The following SUMO3 variants were observed in gnomAD, a reference collection of about 807,000 sequenced individuals.
SUMO3 encodes the protein small ubiquitin-related modifier 3.
A neutral mutation model predicts 11.1 loss-of-function variants in SUMO3; 2 were observed. The observed-to-expected ratio is 0.18, with a 90% confidence interval of 0.07 to 0.57. The LOEUF (loss-of-function observed/expected upper bound fraction) is 0.57, where lower values mean the gene tolerates loss of function less well. Among genes scored for constraint, SUMO3 ranks in the 20% least tolerant of loss-of-function variants. The probability of loss-of-function intolerance (pLI) is 0.92; values close to 1 mark genes in which losing one functional copy is unlikely to be tolerated. For synonymous variants in SUMO3, 56 were observed against 53.5 expected (o/e 1.05, Z -0.20); for missense variants, 70 against 132.8 (o/e 0.53, Z 2.32).
At chr21:44,808,582 G>A in intron 3 of SUMO3, 1 of 1,380,728 alleles carries the variant, frequency 7.2e-7, no homozygotes, top group South Asian at 1.8e-5. Flanking sequence ...CAACGTGATA[G>A]ATGAAATCTC....
chr21:44,813,560 G>C, intron 2 of SUMO3: 1 of 475,674 alleles, frequency 2.1e-6, no homozygotes, highest in Non-Finnish European at 3.8e-6. Flanking sequence ...GTCTCTCCAG[G>C]GTCAGGCCAG....
In SUMO3 at chr21:44,807,152, A is replaced by G. The variant is rs190004210; in HGVS notation, c.223-112T>C. ...AGTGTTCCCTGACACTAGCGACATC[A>G]CCTGGTCACACCTTGGCTCTTGTCC... On this transcript the variant is annotated intron_variant, in intron 3 of 3. Transcript: ENST00000332859. The surrounding 1 kb of genome is among the most constrained non-coding windows in gnomAD (Gnocchi z 4.3). The G allele has an allele frequency of 7.2e-4, 932 of 1,298,108 alleles. 6 individuals carry two copies. The African/African-American group carries it at 0.012, about 17-fold the overall frequency. The allele number at this position is 1,298,108 out of a possible 1,614,324, so 80.4% of individuals were successfully genotyped here.
rs918659914 is a variant in SUMO3, at chr21:44,818,016, G to A, written c.-48C>T. 2.6e-5 allele frequency: 30 copies of A among 1,172,122 alleles called. No homozygotes were observed. The highest frequency in any genetic ancestry group is 4.2e-5 in the South Asian group (1 of 23,688). The allele number at this position is 1,172,122 out of a possible 1,614,324, so 72.6% of individuals were successfully genotyped here. A position where few individuals can be genotyped will look rare whatever the true frequency, so the allele number is the denominator to read the frequency against. On this transcript the variant is annotated 5_prime_UTR_variant, in exon 1 of 4. Coordinates refer to ENST00000332859, the MANE Select transcript of SUMO3 (RefSeq NM_006936.3). ...GGCGGCGCGGGGGAAGCAGCGCGGA[G>A]CGGGCGAGTCACGCTCTCGGCCCCG...
In SUMO3 at chr21:44,806,698, C is replaced by T; in HGVS notation, c.*253G>A. 1 of 935,946 alleles carries T rather than the reference C, an allele frequency of 1.1e-6. No individual in the cohort carries two copies. Among genetic ancestry groups the T allele is most frequent in the Non-Finnish European group, 1.5e-6 (1 of 677,912 alleles). The allele number at this position is 935,946 out of a possible 1,614,324, so 58.0% of individuals were successfully genotyped here. A position where few individuals can be genotyped will look rare whatever the true frequency, so the allele number is the denominator to read the frequency against. On this transcript the variant is annotated 3_prime_UTR_variant, in exon 4 of 4. Coordinates refer to ENST00000332859, the MANE Select transcript of SUMO3 (RefSeq NM_006936.3). ...GAGGGGGGGAAAACACAAATGAGCA[C>T]ACAAAAGTACCCACAATATCTTGCA... is the stretch of plus-strand genomic sequence containing the variant.
chr21:44,805,797 TGA>T lies in SUMO3; in HGVS notation c.*1152_*1153del, dbSNP rs2083172545. 1 of 152,430 alleles carries T rather than the reference TGA, an allele frequency of 6.6e-6. No homozygotes were observed. The highest frequency in any genetic ancestry group is 6.6e-5 in the Admixed American group (1 of 15,264). 9.4% of individuals were successfully genotyped at this position (152,430 alleles called of 1,614,324 possible). A position where few individuals can be genotyped will look rare whatever the true frequency, so the allele number is the denominator to read the frequency against. On this transcript the variant is annotated 3_prime_UTR_variant, in exon 4 of 4. Coordinates refer to ENST00000332859, the MANE Select transcript of SUMO3 (RefSeq NM_006936.3). Reference sequence around the variant, plus strand: ...AAGAGATGATGGGTCATTGTTCAGGTGACTGTAAAAAGGCAGAGAATGGCCAC... The same window carrying T: ...AAGAGATGATGGGTCATTGTTCAGGTCTGTAAAAAGGCAGAGAATGGCCAC...
chr21:44,814,063 C>T lies in SUMO3; in HGVS notation c.63G>A (p.Val21=), dbSNP rs2083229530. 1.2e-6 allele frequency: 2 copies of T among 1,613,886 alleles called. No homozygotes were observed. The highest frequency in any genetic ancestry group is 3.3e-5 in the Admixed American group (2 of 60,008). Reference sequence around the variant, plus strand: ...GCACCACGGAGCCGTCCTGCCCGGCCACCTTCAGGTTGATGTGGTCATTCT... The same window carrying T: ...GCACCACGGAGCCGTCCTGCCCGGCTACCTTCAGGTTGATGTGGTCATTCT... ...KTENDHINLK[V]AGQDGSVVQF... is the part of the protein sequence containing the mutation. The change falls in exon 2 of 4, where the codon GTG becomes GTA. Residue 21 remains valine, a synonymous_variant. Coordinates refer to ENST00000332859, the MANE Select transcript of SUMO3 (RefSeq NM_006936.3).
intron 1 of SUMO3, among the ~76,000 whole-genome samples, chr21:44,815,481 G>A (rs1398965890): frequency 1.3e-5 from 2 of 152,316 alleles, no homozygotes; most frequent in Admixed American, 1.3e-4. Flanking sequence ...GGCAGCCTGA[G>A]TGGTGAGCTG....
chr21:44,809,228 AAACATTTCC>A, intron 2 of SUMO3, 110 bp from the exon 3 acceptor site: 2 of 1,037,094 alleles, frequency 1.9e-6, no homozygotes, highest in Non-Finnish European at 2.9e-6. Flanking sequence ...AGTGGCCATT[AAACATTTCC>A]AGATACGGCT....
chr21:44,816,808 T>C (rs1427356824), intron 1 of SUMO3, among the ~76,000 whole-genome samples: 2 of 131,184 alleles, frequency 1.5e-5, no homozygotes, highest in Non-Finnish European at 3.3e-5. Flanking sequence ...TAAGGAGGGG[T>C]GGGCGCGCAT....
At chr21:44,808,932 T>C in intron 3 of SUMO3, 115 bp downstream of exon 3, 1 of 825,658 alleles carries the variant, frequency 1.2e-6, no homozygotes. Flanking sequence ...ATCAATATCA[T>C]TAAGGCATTC....
rs557203917 is a variant in SUMO3 at position 44,814,178 on chromosome 21, G to C, written c.22-74C>G. 1.1e-5 allele frequency: 18 copies of C among 1,567,698 alleles called. No individual in the cohort carries two copies. The East Asian group carries it at 4.1e-4, about 36-fold the overall frequency. On this transcript the variant is annotated intron_variant, in intron 1 of 3. Coordinates refer to ENST00000332859, the MANE Select transcript of SUMO3 (RefSeq NM_006936.3). ...CGCGACTTGAATGGGCAAGTCTTTA[G>C]GTAATTGTTGGCTTTTTAAAGTCAT...
intron 1 of SUMO3, among the ~76,000 whole-genome samples, chr21:44,817,326 G>A (rs1472431723): frequency 2.0e-5 from 3 of 151,576 alleles, no homozygotes; most frequent in Non-Finnish European, 2.9e-5. Flanking sequence ...AGAGGGGTGG[G>A]CGCACACTGG....
Position 44,817,977 on chromosome 21 carries a change from G to T in SUMO3, c.-9C>A. The T allele has an allele frequency of 8.5e-7, 1 of 1,181,086 alleles. No homozygotes were observed. The highest frequency in any genetic ancestry group is 1.0e-6 in the Non-Finnish European group (1 of 955,138). 73.2% of individuals were successfully genotyped at this position (1,181,086 alleles called of 1,614,324 possible). A position where few individuals can be genotyped will look rare whatever the true frequency, so the allele number is the denominator to read the frequency against. ...GGCTTCTCCTCGGACATGGCTGCGC[G>T]AGCGGCGCGGGGAGGCGGCGCGGGG... On this transcript the variant is annotated 5_prime_UTR_variant, in exon 1 of 4. Coordinates refer to ENST00000332859, the MANE Select transcript of SUMO3 (RefSeq NM_006936.3).
rs1248200373 is a variant in SUMO3 at position 44,807,122 on chromosome 21, G to T, written c.223-82C>A. ...TCAGAGAGTGGGAAGATCCTCACTG[G>T]CATGAGTGTTCCCTGACACTAGCGA... On this transcript the variant is annotated intron_variant, in intron 3 of 3. Transcript: ENST00000332859. This position sits in a 1 kb window ranked among gnomAD's most constrained non-coding sequence, Gnocchi z 4.3. The T allele has an allele frequency of 2.6e-6, 4 of 1,527,922 alleles. No homozygotes were observed. The South Asian group carries it at 4.8e-5, about 18-fold the overall frequency. 94.6% of individuals were successfully genotyped at this position (1,527,922 alleles called of 1,614,324 possible).
chr21:44,808,730 C>T (rs1450480541), intron 3 of SUMO3, among the ~76,000 whole-genome samples: 13 of 152,142 alleles, frequency 8.5e-5, no homozygotes, highest in Admixed American at 2.6e-4. Flanking sequence ...AAGCTGCACA[C>T]GGGCTACAAC....
intron 3 of SUMO3, 129 bp downstream of exon 3, chr21:44,808,918 A>G (rs2083194122): frequency 1.3e-6 from 1 of 754,974 alleles, no homozygotes; most frequent in Non-Finnish European, 2.3e-6. Flanking sequence ...TAAATAATCT[A>G]ATAATCAATA....
At chr21:44,813,162 A>G (rs1408684454) in intron 2 of SUMO3, among the ~76,000 whole-genome samples, 4 of 152,186 alleles carry the variant, frequency 2.6e-5, no homozygotes, top group African/African-American at 9.7e-5. Context: ...GCAAAAGAGT[A>G]AAATAAAAGG....
At chr21:44,813,711 C>G (rs1426094438) in intron 2 of SUMO3, 32 of 1,098,668 alleles carry the variant, frequency 2.9e-5, no homozygotes, top group Non-Finnish European at 4.1e-5. Flanking sequence ...GAACACAGCA[C>G]CCCGGGCAGC....
intron 1 of SUMO3, among the ~76,000 whole-genome samples, chr21:44,814,714 C>A (rs759261678): frequency 6.6e-6 from 1 of 152,216 alleles, no homozygotes; most frequent in Non-Finnish European, 1.5e-5. Flanking sequence ...CCACAGCAGG[C>A]GGCCAGGCTC....
Sources: allele counts gnomAD v4.1 joint callset (sites outside exome capture counted in the v4.1 genomes callset), GRCh38; gene constraint gnomAD v4.1.1; non-coding constraint Gnocchi (gnomAD v3.1); transcripts MANE v1.5; gene names NCBI Gene and HGNC (gene_info 2026-07-23, HGNC 2026-07-21).